Variants in KCNN1 observed in about 807,000 individuals in gnomAD.
The protein encoded by KCNN1 is small conductance calcium-activated potassium channel protein 1.
KCNN1 carries 20 observed loss-of-function variants against 44.7 expected under a neutral mutation model. That is an observed-to-expected ratio of 0.45 (90% CI 0.32 to 0.65). The LOEUF is 0.65. Among genes scored for constraint, KCNN1 ranks in the 30% least tolerant of loss-of-function variants. The pLI is 0.05. For missense variants in KCNN1, 632 were observed against 785.3 expected (o/e 0.80, Z 2.33); for synonymous variants, 324 against 341.7 (o/e 0.95, Z 0.57).
intron 9 of KCNN1, among the ~76,000 whole-genome samples, chr19:17,994,792 C>T (rs2032927658): frequency 6.6e-6 from 1 of 152,220 alleles, no homozygotes; most frequent in African/African-American, 2.4e-5. Context: ...GATCCACCCC[C>T]CTCAGCCTCC....
intron 2 of KCNN1, among the ~76,000 whole-genome samples, chr19:17,959,777 G>A (rs2031635172): frequency 6.6e-6 from 1 of 152,084 alleles, no homozygotes; most frequent in Non-Finnish European, 1.5e-5. Flanking sequence ...AAGAGTTCAA[G>A]AGGTGCTTTT....
upstream of KCNN1, among the ~76,000 whole-genome samples, chr19:17,964,355 G>T (rs2031748796): frequency 6.6e-6 from 1 of 152,176 alleles, no homozygotes; most frequent in South Asian, 2.1e-4. This position sits in a 1 kb window ranked among gnomAD's most constrained non-coding sequence, Gnocchi z 4.3. Context: ...TTGTGTCCCT[G>T]AGCTCCTGTG....
intron 1 of KCNN1, among the ~76,000 whole-genome samples, chr19:17,969,916 C>A (rs920602229): frequency 6.6e-6 from 1 of 152,200 alleles, no homozygotes; most frequent in Non-Finnish European, 1.5e-5. Flanking sequence ...TGGTAGCCAG[C>A]GGATGTTCAG....
chr19:17,994,764 G>A (rs1030980912), intron 9 of KCNN1, among the ~76,000 whole-genome samples: 1 of 152,240 alleles, frequency 6.6e-6, no homozygotes, highest in Non-Finnish European at 1.5e-5. Flanking sequence ...GCCTGGTCTC[G>A]AACTCCTGAC....
rs1290319189 is a variant in KCNN1, at chr19:17,988,598, CTG to C, written c.1170+75_1170+76del. On this transcript the variant is annotated intron_variant, in intron 6 of 9. Coordinates refer to ENST00000684775, the MANE Select transcript of KCNN1 (RefSeq NM_001386974.1). Reference sequence around the variant, plus strand: ...AGCGTAGAACTTCCCTGCTTTCCCTCTGTACGTGCCGGGCATGCTCATGTGCC... The same window carrying C: ...AGCGTAGAACTTCCCTGCTTTCCCTCTACGTGCCGGGCATGCTCATGTGCC... 20 of 1,114,192 alleles carry C rather than the reference CTG, an allele frequency of 1.8e-5. No homozygotes were observed. The African/African-American group carries it at 2.8e-4, about 15-fold the overall frequency. 69.0% of individuals were successfully genotyped at this position (1,114,192 alleles called of 1,614,324 possible).
chr19:17,992,734 C>T (rs1035600328), intron 7 of KCNN1, among the ~76,000 whole-genome samples: 4 of 152,190 alleles, frequency 2.6e-5, no homozygotes, highest in African/African-American at 4.8e-5. Context: ...CAAATCCTGC[C>T]GGGGTGCGGA....
At chr19:17,959,803 A>G (rs959826501) in intron 2 of KCNN1, among the ~76,000 whole-genome samples, 2 of 152,132 alleles carry the variant, frequency 1.3e-5, no homozygotes, top group African/African-American at 4.8e-5. Flanking sequence ...AGTCCAGGTC[A>G]GCTGGACGCG....
chr19:17,997,152 T>A (rs921569218), intron 9 of KCNN1, among the ~76,000 whole-genome samples: 1 of 152,240 alleles, frequency 6.6e-6, no homozygotes, highest in East Asian at 1.9e-4. Context: ...GTAACAGTAA[T>A]TGTGGCTGTC....
In KCNN1 at chr19:17,973,026, T is replaced by C. The variant is rs537824218; in HGVS notation, c.-81-782T>C. 3.3e-5 allele frequency among the ~76,000 whole-genome samples: 5 copies of C among 152,238 alleles called. No homozygotes were observed. The South Asian group carries it at 1.0e-3, about 32-fold the overall frequency. The stretch of plus-strand genomic sequence containing the variant: ...TTGGAATCTGGTGATTGGGAGACCA[T>C]TGTGGCTGGAGGAATTGGGTCTGGG... On this transcript the variant is annotated intron_variant, in intron 1 of 9. Transcript: ENST00000684775.
At chr19:17,978,606 A>G (rs2032290729) in intron 3 of KCNN1, among the ~76,000 whole-genome samples, 2 of 150,442 alleles carry the variant, frequency 1.3e-5, no homozygotes, top group Admixed American at 1.3e-4. Flanking sequence ...AAAACCTTAT[A>G]TATACAGATA....
chr19:17,987,836 CAAAAAAAAAAA>C (rs973068020), intron 5 of KCNN1, among the ~76,000 whole-genome samples: 8 of 54,578 alleles, frequency 1.5e-4, no homozygotes, highest in South Asian at 6.3e-4. Flanking sequence ...ATATCGCTAC[CAAAAAAAAAAA>C]AAAAAAAAAA....
chr19:17,985,672 G>C (rs1320320570), intron 5 of KCNN1, among the ~76,000 whole-genome samples: 13 of 152,252 alleles, frequency 8.5e-5, no homozygotes, highest in Admixed American at 7.2e-4. Flanking sequence ...ATCTCCATGC[G>C]GTCCTTCCAG....
chr19:17,973,938 G>A lies in KCNN1; in HGVS notation c.50G>A (p.Gly17Glu). Reference sequence around the variant, plus strand: ...AGCGTGGGGCGGCCGCTGGGCAGCGGGCCGGGCGCCCTGGGACGAGACCCT... The same window carrying A: ...AGCGTGGGGCGGCCGCTGGGCAGCGAGCCGGGCGCCCTGGGACGAGACCCT... ...NGSVGRPLGS[G>E]PGALGRDPPD... is the part of the protein sequence containing the mutation. Residue 17 changes from glycine to glutamate, a missense_variant, in exon 2 of 10, where the codon GGG becomes GAG. Gly to Glu is a moderately conservative substitution (Grantham distance 98, BLOSUM62 -2). Transcript: ENST00000684775. 2 of 1,556,720 alleles carry A rather than the reference G, an allele frequency of 1.3e-6. No individual in the cohort carries two copies. The highest frequency in any genetic ancestry group is 1.7e-6 in the Non-Finnish European group (2 of 1,152,520).
chr19:17,966,795 C>G (rs905792520), upstream of KCNN1, among the ~76,000 whole-genome samples: 1 of 152,048 alleles, frequency 6.6e-6, no homozygotes, highest in Non-Finnish European at 1.5e-5. Context: ...GGAGGACAGT[C>G]CCCAGGCGTG....
rs140687681 is a variant in KCNN1, at chr19:17,989,233, G to A, written c.1171-483G>A. ...AGCACTTTAGGAGGCCGAGGCGGGC[G>A]GATCACTTGAGGTCAGGAGTTCAAA... On this transcript the variant is annotated intron_variant, in intron 6 of 9. Transcript: ENST00000684775. 6.7e-4 allele frequency among the ~76,000 whole-genome samples: 102 copies of A among 152,174 alleles called. No individual in the cohort carries two copies. In the East Asian group the frequency reaches 0.019, roughly 29 times the overall value.
rs754484870 is a variant in KCNN1, at chr19:17,989,705, T to C, written c.1171-11T>C. The C allele has an allele frequency of 4.1e-5, 66 of 1,613,774 alleles. No individual in the cohort carries two copies. The highest frequency in any genetic ancestry group is 5.4e-5 in the Non-Finnish European group (64 of 1,179,864). ...GCCAACCCTGAGGAATTGTTCTTTTTCTGGCCCCAGGTAAAAAACGCCGCT... is the reference window on the plus strand; with the variant it reads ...GCCAACCCTGAGGAATTGTTCTTTTCCTGGCCCCAGGTAAAAAACGCCGCT... On this transcript the variant is annotated splice_polypyrimidine_tract_variant and intron_variant, in intron 6 of 9. Transcript: ENST00000684775.
chr19:17,993,660 T>A lies in KCNN1; in HGVS notation c.1377+101T>A. The A allele has an allele frequency of 1.0e-6, 1 of 953,370 alleles. No homozygotes were observed. The highest frequency in any genetic ancestry group is 1.3e-5 in the South Asian group (1 of 74,482). 59.1% of individuals were successfully genotyped at this position (953,370 alleles called of 1,614,324 possible). On this transcript the variant is annotated intron_variant, in intron 9 of 9. Coordinates refer to ENST00000684775, the MANE Select transcript of KCNN1 (RefSeq NM_001386974.1). The surrounding 1 kb of genome is among the most constrained non-coding windows in gnomAD (Gnocchi z 4.5). ...GCCGGAGGAGGGCACAAGGACCCGCTGTGGGCTGAGTGCAGTGGCGGGCGG... is the reference window on the plus strand; with the variant it reads ...GCCGGAGGAGGGCACAAGGACCCGCAGTGGGCTGAGTGCAGTGGCGGGCGG...
chr19:17,991,652 T>G (rs769672447), intron 7 of KCNN1, among the ~76,000 whole-genome samples: 3 of 152,192 alleles, frequency 2.0e-5, no homozygotes, highest in African/African-American at 2.4e-5. Flanking sequence ...CACTCCAGCC[T>G]GGGCGACAGA....
At chr19:17,976,562 G>A (rs944918432) in intron 3 of KCNN1, among the ~76,000 whole-genome samples, 18 of 151,576 alleles carry the variant, frequency 1.2e-4, no homozygotes, top group Middle Eastern at 3.2e-3. Context: ...GGGATTACAG[G>A]CATGTGCCAC....
Sources: allele counts gnomAD v4.1 joint callset (sites outside exome capture counted in the v4.1 genomes callset), GRCh38; gene constraint gnomAD v4.1.1; non-coding constraint Gnocchi (gnomAD v3.1); transcripts MANE v1.5; gene names NCBI Gene and HGNC (gene_info 2026-07-23, HGNC 2026-07-21).